The following PARP4 variants were observed in gnomAD, a reference collection of about 807,000 sequenced individuals.
PARP4 encodes poly(ADP-ribose) polymerase family member 4, also known as protein mono-ADP-ribosyltransferase PARP4.
Under a neutral mutation model 187.7 loss-of-function variants are expected in PARP4, and 120 were observed. The ratio of observed to expected loss-of-function variants is 0.64; its 90% confidence interval spans 0.55 to 0.74. PARP4 has a LOEUF of 0.74. PARP4 is among the 30% of genes least tolerant of loss of function. PARP4 has a pLI of 0.00. For missense variants in PARP4, 1,836 were observed against 2,070.5 expected (o/e 0.89, Z 2.20); for synonymous variants, 654 against 740.9 (o/e 0.88, Z 1.90).
intron 30 of PARP4, among the ~76,000 whole-genome samples, chr13:24,437,055 G>C (rs1369365463): frequency 6.6e-6 from 1 of 151,982 alleles, no homozygotes; most frequent in African/African-American, 2.4e-5. Context: ...TATAGTAGAC[G>C]AATCAATGGA....
intron 28 of PARP4, 27 bp downstream of exon 28, chr13:24,443,623 A>T: frequency 6.8e-7 from 1 of 1,479,320 alleles, no homozygotes; most frequent in East Asian, 2.3e-5. Context: ...AGAATGTCTA[A>T]TCATTTTTAC....
intron 33 of PARP4, among the ~76,000 whole-genome samples, chr13:24,423,607 T>A (rs1377623427): frequency 6.6e-6 from 1 of 152,038 alleles, no homozygotes; most frequent in Admixed American, 6.6e-5. Flanking sequence ...TAAATTCTCA[T>A]CTTTCTTGGC....
chr13:24,471,215 T>A (rs1872717328), intron 15 of PARP4, among the ~76,000 whole-genome samples: 1 of 152,318 alleles, frequency 6.6e-6, no homozygotes, highest in East Asian at 1.9e-4. Context: ...CTCAAAGGCA[T>A]GTATGCTTGC....
At chr13:24,453,978 T>G (rs977510025) in intron 22 of PARP4, among the ~76,000 whole-genome samples, 1 of 151,584 alleles carries the variant, frequency 6.6e-6, no homozygotes, top group Admixed American at 6.6e-5. Context: ...TAGCTGGGTG[T>G]GGTGGTGAGC....
At chr13:24,497,500 A>G (rs1330545812) in intron 6 of PARP4, among the ~76,000 whole-genome samples, 1 of 152,196 alleles carries the variant, frequency 6.6e-6, no homozygotes, top group Admixed American at 6.5e-5. Flanking sequence ...AAGGGCAGAA[A>G]TGCTATACAC....
chr13:24,455,171 G>GAGGT lies in PARP4; in HGVS notation c.2600_2603dup (p.Asp870ProfsTer2). On this transcript the variant is annotated frameshift_variant, in exon 22 of 34. Coordinates refer to ENST00000381989, the MANE Select transcript of PARP4 (RefSeq NM_006437.4). LOFTEE classifies it high-confidence loss of function. ...CTTCGCTCTCACTGGCTAGGTCAGG[G>GAGGT]AGGTCGACATCGAGATCGGGTTGAA... The GAGGT allele has an allele frequency of 6.2e-7, 1 of 1,601,544 alleles. No individual in the cohort carries two copies. Among genetic ancestry groups the GAGGT allele is most frequent in the South Asian group, 1.1e-5 (1 of 90,484 alleles).
chr13:24,484,594 CAG>C lies in PARP4; in HGVS notation c.1448+57_1448+58del, dbSNP rs1467259761. ...GAGAAACTCCCTCACCAAGGAAAGA[CAG>C]AAGAAAATACACAGCAAGTATTCAG... On this transcript the variant is annotated intron_variant, in intron 12 of 33. Coordinates refer to ENST00000381989, the MANE Select transcript of PARP4 (RefSeq NM_006437.4). 1.3e-5 allele frequency: 15 copies of C among 1,153,812 alleles called. No homozygotes were observed. In the Admixed American group the frequency reaches 2.6e-4, roughly 20 times the overall value. 71.5% of individuals were successfully genotyped at this position (1,153,812 alleles called of 1,614,324 possible).
chr13:24,505,568 A>G (rs1055543543), intron 1 of PARP4, among the ~76,000 whole-genome samples: 3 of 152,160 alleles, frequency 2.0e-5, no homozygotes, highest in Admixed American at 1.3e-4. Flanking sequence ...CACTTTGCCC[A>G]AAGTCTGCAA....
At chr13:24,436,595 A>G (rs1187400285) in intron 30 of PARP4, among the ~76,000 whole-genome samples, 2 of 152,216 alleles carry the variant, frequency 1.3e-5, no homozygotes, top group Non-Finnish European at 2.9e-5. Context: ...GGTGTGAGAC[A>G]CTGTGTCCAG....
chr13:24,506,952 G>A (rs899238776), intron 1 of PARP4, among the ~76,000 whole-genome samples: 5 of 152,220 alleles, frequency 3.3e-5, no homozygotes, highest in Admixed American at 6.5e-5. Flanking sequence ...GCCCTGCCCC[G>A]CGGGGAGGCA....
chr13:24,435,049 G>C lies in PARP4; in HGVS notation c.4092C>G (p.Phe1364Leu). The change falls in exon 31 of 34, where the codon TTC (phenylalanine) becomes TTG (leucine). Residue 1364 changes from phenylalanine (F) to leucine (L), a missense_variant. This residue lies in a region of PARP4 where 450 missense variants were observed against 439.2 expected (regional missense o/e 1.02). Coordinates refer to ENST00000381989, the MANE Select transcript of PARP4 (RefSeq NM_006437.4). ...APPRQFDASQ[F>L]SQGPVPGTCA... ...AAGTGCCAGGCACAGGGCCTTGGCTGAATTGAGATGCATCAAACTGTCTGG... is the reference window on the plus strand; with the variant it reads ...AAGTGCCAGGCACAGGGCCTTGGCTCAATTGAGATGCATCAAACTGTCTGG... The C allele has an allele frequency of 6.2e-7, 1 of 1,614,052 alleles. No individual in the cohort carries two copies. The highest frequency in any genetic ancestry group is 1.7e-5 in the Admixed American group (1 of 60,016).
chr13:24,475,324 C>T lies in PARP4; in HGVS notation c.1914+148G>A, dbSNP rs115206171. 2,662 of 724,532 alleles carry T rather than the reference C, an allele frequency of 3.7e-3. 44 individuals are homozygous for T. Among genetic ancestry groups the T allele is most frequent in the African/African-American group, 0.035 (1,985 of 56,366 alleles). The allele number at this position is 724,532 out of a possible 1,614,324, so 44.9% of individuals were successfully genotyped here. ...TGGATGCTCAGAGCCTAGCTAGTCC[C>T]TGGCATGGAGTGCTCAGTGAATATC... On this transcript the variant is annotated intron_variant, in intron 15 of 33. Transcript: ENST00000381989.
chr13:24,459,714 A>G (rs1872098831), intron 18 of PARP4, among the ~76,000 whole-genome samples: 1 of 152,224 alleles, frequency 6.6e-6, no homozygotes, highest in Admixed American at 6.5e-5. Context: ...CTAGTTCTTC[A>G]TGATGAACTT....
intron 32 of PARP4, 128 bp from the exon 33 acceptor site, chr13:24,426,726 A>C (rs1593582194): frequency 5.7e-6 from 2 of 352,326 alleles, no homozygotes; most frequent in South Asian, 5.9e-5. Flanking sequence ...CATCTCTGCT[A>C]AAAAAAAAAA....
chr13:24,432,853 G>T (rs1350968002), intron 31 of PARP4, among the ~76,000 whole-genome samples: 1 of 152,156 alleles, frequency 6.6e-6, no homozygotes, highest in African/African-American at 2.4e-5. Flanking sequence ...AACCTCAACG[G>T]AGACAGAATC....
chr13:24,505,827 C>G (rs1261002781), intron 1 of PARP4, among the ~76,000 whole-genome samples: 1 of 152,236 alleles, frequency 6.6e-6, no homozygotes, highest in East Asian at 1.9e-4. Flanking sequence ...CAGCAGTTTC[C>G]AAGTCCTGTA....
chr13:24,452,458 G>A lies in PARP4; in HGVS notation c.2962C>T (p.Gln988Ter). The change falls in exon 24 of 34, where the codon CAG (glutamine) becomes TAG (stop). Residue 988 changes from glutamine (Q) to a stop codon, truncating the protein, a stop_gained. Coordinates refer to ENST00000381989, the MANE Select transcript of PARP4 (RefSeq NM_006437.4). LOFTEE classifies it high-confidence loss of function. The part of the protein sequence containing the change: ...GHLQDESLTL[Q>*]LVKRSRPHTR... ...TGCGGGCGGCTCCTCTTCACGAGCT[G>A]TAATGTCAGGCTCTCATCCTGGAGG... The A allele has an allele frequency of 3.1e-6, 5 of 1,614,068 alleles. No individual in the cohort carries two copies. The highest frequency in any genetic ancestry group is 3.4e-6 in the Non-Finnish European group (4 of 1,179,978).
chr13:24,461,514 C>T (rs1445284937), intron 17 of PARP4, among the ~76,000 whole-genome samples: 2 of 152,174 alleles, frequency 1.3e-5, no homozygotes, highest in Non-Finnish European at 2.9e-5. Context: ...GACACAGGAT[C>T]TGTGTGAACT....
chr13:24,440,516 A>G (rs1449165556), intron 30 of PARP4, among the ~76,000 whole-genome samples: 1 of 151,938 alleles, frequency 6.6e-6, no homozygotes, highest in Non-Finnish European at 1.5e-5. Context: ...TGCCCGTTTC[A>G]GACACCTTTG....
Sources: gnomAD v4.1 joint callset for allele counts (sites outside exome capture counted in the v4.1 genomes callset) on GRCh38, gnomAD v4.1.1 for gene constraint, gnomAD v4.1.1 regional missense constraint, MANE v1.5 for transcripts, NCBI Gene and HGNC (gene_info 2026-07-23, HGNC 2026-07-21) for gene names.